Variants in COBL observed in about 807,000 individuals in gnomAD.
COBL encodes cordon-bleu WH2 repeat protein.
A neutral mutation model predicts 98.8 loss-of-function variants in COBL; 51 were observed. The observed-to-expected ratio is 0.52, with a 90% CI of 0.41 to 0.65. The LOEUF (loss-of-function observed/expected upper bound fraction) is 0.65, where lower values mean the gene tolerates loss of function less well. Ranked by LOEUF, COBL falls within the 30% of genes least tolerant of loss-of-function variation. The pLI, the probability that COBL is intolerant of heterozygous loss-of-function variation, is 0.00. For missense variants in COBL, 1,617 were observed against 1,617.5 expected (o/e 1.00, Z 0.01); for synonymous variants, 634 against 651.7 (o/e 0.97, Z 0.41).
chr7:51,241,526 C>T (rs1795794302), intron 1 of COBL, among the ~76,000 whole-genome samples: 1 of 152,322 alleles, frequency 6.6e-6, no homozygotes, highest in Non-Finnish European at 1.5e-5. Flanking sequence ...CACCGATTAA[C>T]ATTTTAGTGA....
At chr7:51,256,606 C>T (rs191300877) in intron 1 of COBL, among the ~76,000 whole-genome samples, 1 of 152,332 alleles carries the variant, frequency 6.6e-6, no homozygotes, top group Admixed American at 6.5e-5. Context: ...ACTCAATCGC[C>T]CTAGTAGGGC....
intron 1 of COBL, among the ~76,000 whole-genome samples, chr7:51,305,961 A>G (rs1203293557): frequency 1.3e-5 from 2 of 152,050 alleles, no homozygotes; most frequent in Non-Finnish European, 2.9e-5. Context: ...GCTTGAACCC[A>G]GGAGATAGAG....
rs373421935 is a variant in COBL at position 51,028,585 on chromosome 7, G to A, written c.2511C>T (p.Pro837=). 8 of 1,614,192 alleles carry A rather than the reference G, an allele frequency of 5.0e-6. No homozygotes were observed. Among genetic ancestry groups the A allele is most frequent in the Non-Finnish European group, 5.9e-6 (7 of 1,180,010 alleles). The change falls in exon 10 of 13, where the codon CCC becomes CCT. Residue 837 remains proline, a synonymous_variant. Transcript: ENST00000265136. The part of the protein sequence containing the change: ...NPLGEGRNQP[P]TMGMGHVRVP... ...CCCTCACGTGACCCATGCCCATGGT[G>A]GGGGGCTGGTTTCTCCCCTCCCCTA...
intron 3 of COBL, 73 bp from the exon 4 acceptor site, chr7:51,191,151 G>C: frequency 7.4e-7 from 1 of 1,355,490 alleles, no homozygotes; most frequent in Non-Finnish European, 1.0e-6. Context: ...GTGTCAATTT[G>C]ACAATTGGGT....
intron 7 of COBL, among the ~76,000 whole-genome samples, chr7:51,052,259 A>C (rs1471384572): frequency 6.6e-6 from 1 of 152,242 alleles, no homozygotes; most frequent in African/African-American, 2.4e-5. Context: ...GCTTATAAAA[A>C]GGGCAAGTTC....
intron 7 of COBL, among the ~76,000 whole-genome samples, chr7:51,049,883 A>G (rs1289478432): frequency 6.6e-6 from 1 of 152,206 alleles, no homozygotes; most frequent in African/African-American, 2.4e-5. Flanking sequence ...AGCATTATAT[A>G]GATTCTGCTC....
At chr7:51,163,877 T>G (rs1562983623) in intron 5 of COBL, among the ~76,000 whole-genome samples, 1 of 152,214 alleles carries the variant, frequency 6.6e-6, no homozygotes, top group Non-Finnish European at 1.5e-5. Context: ...AGGATTTCTG[T>G]GTCAAAAACT....
Position 51,043,543 on chromosome 7 carries a change from T to C in COBL, c.1246A>G (p.Ile416Val), listed in dbSNP as rs764262106. Residue 416 changes from isoleucine (I) to valine (V), a missense_variant, in exon 8 of 13, where the codon ATC becomes GTC. Ile to Val is a conservative substitution (Grantham distance 29, BLOSUM62 3). This residue lies in a region of COBL where 1,304 missense variants were observed against 1,282.0 expected (regional missense o/e 1.02). Transcript: ENST00000265136. ...TCCTGCTGCGAGTCCAGAGAGACGATGTCTGAGGGGGAACTCATCACTCCT... is the reference window on the plus strand; with the variant it reads ...TCCTGCTGCGAGTCCAGAGAGACGACGTCTGAGGGGGAACTCATCACTCCT... ...DSGVMSSPSD[I>V]VSLDSQQDSM... 17 of 1,614,090 alleles carry C rather than the reference T, an allele frequency of 1.1e-5. No homozygotes were observed. Among genetic ancestry groups the C allele is most frequent in the East Asian group, 2.2e-5 (1 of 44,896 alleles).
chr7:51,198,160 T>C (rs1308715258), intron 2 of COBL, among the ~76,000 whole-genome samples: 1 of 152,204 alleles, frequency 6.6e-6, no homozygotes, highest in Admixed American at 6.5e-5. Context: ...TTCCTTTCCA[T>C]ATTTAGTGCT....
At chr7:51,037,795 C>T (rs1234666179) in intron 8 of COBL, among the ~76,000 whole-genome samples, 3 of 152,230 alleles carry the variant, frequency 2.0e-5, no homozygotes, top group Non-Finnish European at 4.4e-5. Context: ...GATACCATCA[C>T]ATGACTGGAT....
intron 5 of COBL, among the ~76,000 whole-genome samples, chr7:51,170,690 GA>G (rs1787792575): frequency 6.6e-6 from 1 of 151,830 alleles, no homozygotes; most frequent in Non-Finnish European, 1.5e-5. Flanking sequence ...GACATAGAAA[GA>G]AAAATATTCC....
intron 6 of COBL, among the ~76,000 whole-genome samples, chr7:51,133,185 ATCCTGT>A (rs149182763): frequency 0.017 from 2,616 of 152,270 alleles, 85 homozygotes; most frequent in African/African-American, 0.06. Context: ...CAGGAAGAAA[ATCCTGT>A]GCAGAACAGA....
chr7:51,209,046 T>TAAAA (rs572689062), intron 2 of COBL, among the ~76,000 whole-genome samples: 13 of 43,430 alleles, frequency 3.0e-4, no homozygotes, highest in African/African-American at 8.9e-4. Flanking sequence ...AATGATCAAT[T>TAAAA]AAAAAAAAAA....
At chr7:51,134,311 C>T (rs943876722) in intron 6 of COBL, among the ~76,000 whole-genome samples, 7 of 152,196 alleles carry the variant, frequency 4.6e-5, no homozygotes, top group South Asian at 2.1e-4. Flanking sequence ...AATTTCTCCA[C>T]GCATTCTGTG....
chr7:51,225,024 G>C (rs559941067), intron 1 of COBL, among the ~76,000 whole-genome samples: 1 of 152,236 alleles, frequency 6.6e-6, no homozygotes, highest in South Asian at 2.1e-4. Context: ...TGTGTGGATG[G>C]CCTGTGCACG....
At chr7:51,215,551 C>A (rs1792950785) in intron 2 of COBL, among the ~76,000 whole-genome samples, 1 of 152,192 alleles carries the variant, frequency 6.6e-6, no homozygotes, top group Non-Finnish European at 1.5e-5. Flanking sequence ...TGGGCTCTGG[C>A]TCACAGGAAT....
intron 1 of COBL, among the ~76,000 whole-genome samples, chr7:51,300,129 G>C (rs1449578947): frequency 7.0e-6 from 1 of 142,912 alleles, no homozygotes; most frequent in Non-Finnish European, 1.5e-5. Flanking sequence ...TCAAAACTGA[G>C]GTTTGCTTTT....
chr7:51,018,909 T>A (rs1299567991), intron 12 of COBL, among the ~76,000 whole-genome samples: 2,859 of 9,254 alleles, frequency 0.31, 606 homozygotes, highest in Non-Finnish European at 0.36. Context: ...AAAAAAAATA[T>A]ATATATATAT....
intron 8 of COBL, among the ~76,000 whole-genome samples, chr7:51,040,624 A>G (rs1202624808): frequency 6.6e-6 from 1 of 152,208 alleles, no homozygotes; most frequent in Non-Finnish European, 1.5e-5. Context: ...GTTTGGCAAA[A>G]TTAAGTGGAC....
Sources: allele counts gnomAD v4.1 joint callset (sites outside exome capture counted in the v4.1 genomes callset), GRCh38; gene constraint gnomAD v4.1.1; regional missense constraint gnomAD v4.1.1; transcripts MANE v1.5; gene names NCBI Gene and HGNC (gene_info 2026-07-23, HGNC 2026-07-21).